Variants in PKP4 observed in about 807,000 individuals in gnomAD.
The protein encoded by PKP4 is plakophilin-4.
In PKP4, 90 loss-of-function variants were observed where a neutral mutation model predicts 145.1. The ratio of observed to expected loss-of-function variants is 0.62; its 90% CI spans 0.52 to 0.74. PKP4 has a LOEUF of 0.74. Ranked by LOEUF, PKP4 falls within the 30% of genes least tolerant of loss-of-function variation. PKP4 has a pLI of 0.00. For missense variants in PKP4, 1,340 were observed against 1,482.7 expected, an observed-to-expected ratio of 0.90 and a Z score of 1.58; for synonymous variants, 563 against 577.2, an observed-to-expected ratio of 0.98 and a Z score of 0.35.
intron 1 of PKP4, among the ~76,000 whole-genome samples, chr2:158,486,792 T>G (rs573021097): frequency 6.6e-5 from 10 of 152,342 alleles, no homozygotes; most frequent in African/African-American, 2.2e-4. Context: ...TGAAAGTCAT[T>G]CTCCCTTGCT....
intron 11 of PKP4, among the ~76,000 whole-genome samples, chr2:158,643,283 G>A (rs546137919): frequency 6.6e-6 from 1 of 152,300 alleles, no homozygotes; most frequent in South Asian, 2.1e-4. Flanking sequence ...AGTTCCCTGG[G>A]TGACATGAAA....
intron 1 of PKP4, among the ~76,000 whole-genome samples, chr2:158,474,510 AAAC>A (rs1692141175): frequency 3.9e-5 from 6 of 152,302 alleles, no homozygotes; most frequent in African/African-American, 1.2e-4. Context: ...ATTTTTTAAA[AAAC>A]CATGAGATTT....
intron 2 of PKP4, among the ~76,000 whole-genome samples, chr2:158,541,102 T>C (rs2044487763): frequency 6.6e-6 from 1 of 152,150 alleles, no homozygotes; most frequent in Admixed American, 6.6e-5. Context: ...GTTTTTCTTT[T>C]TAGAATCACT....
At chr2:158,665,870 T>C (rs2057037114) in intron 15 of PKP4, 6 of 152,252 alleles carry the variant, frequency 3.9e-5, no homozygotes, top group Admixed American at 3.3e-4. Flanking sequence ...CTGTATGAAT[T>C]ATGATGCTGG....
intron 1 of PKP4, among the ~76,000 whole-genome samples, chr2:158,529,116 G>T (rs1347207611): frequency 6.6e-6 from 1 of 152,188 alleles, no homozygotes; most frequent in Non-Finnish European, 1.5e-5. Flanking sequence ...TACCTTCAGA[G>T]GCAATCAGTT....
chr2:158,677,016 G>A, intron 20 of PKP4, 149 bp downstream of exon 20: 1 of 915,266 alleles, frequency 1.1e-6, no homozygotes, highest in African/African-American at 1.6e-5. Context: ...CCTACTTTGG[G>A]GATTGTTGCC....
At chr2:158,494,506 T>C (rs182047402) in intron 1 of PKP4, among the ~76,000 whole-genome samples, 20 of 152,340 alleles carry the variant, frequency 1.3e-4, no homozygotes, top group African/African-American at 4.6e-4. Flanking sequence ...TGTTTTGTAA[T>C]AACATATTTA....
At chr2:158,504,237 T>A (rs901019235) in intron 1 of PKP4, among the ~76,000 whole-genome samples, 2 of 152,226 alleles carry the variant, frequency 1.3e-5, no homozygotes, top group East Asian at 3.9e-4. Context: ...ACTTTTATAC[T>A]GTCAACATTG....
chr2:158,538,773 C>A (rs1382168929), intron 2 of PKP4, among the ~76,000 whole-genome samples: 1 of 152,040 alleles, frequency 6.6e-6, no homozygotes. Flanking sequence ...AACTCCTGAC[C>A]TCAGGTGATC....
chr2:158,639,764 T>G (rs1224775095), intron 9 of PKP4, among the ~76,000 whole-genome samples: 1 of 152,158 alleles, frequency 6.6e-6, no homozygotes, highest in Admixed American at 6.5e-5. Context: ...ATGTATTCAT[T>G]GTTCAAAAAA....
intron 3 of PKP4, among the ~76,000 whole-genome samples, chr2:158,601,612 G>GT (rs2105846295): frequency 6.6e-6 from 1 of 152,252 alleles, no homozygotes; most frequent in South Asian, 2.1e-4. Context: ...AGCTAAGAGT[G>GT]TTTCAGATAA....
rs755532454 is a variant in PKP4, at chr2:158,680,475, T to C, written c.3377T>C (p.Phe1126Ser). The change falls in exon 22 of 22, where the codon TTT (phenylalanine) becomes TCT (serine). Residue 1126 changes from phenylalanine (F) to serine (S), a missense_variant. Phe to Ser is a radical substitution (Grantham distance 155, BLOSUM62 -2). Coordinates refer to ENST00000389759, the MANE Select transcript of PKP4 (RefSeq NM_003628.6). Reference sequence around the variant, plus strand: ...CAAGATGACTCCAACAGAAAGAACTTTGATGCATACAGATTGTATTTGCAG... The same window carrying C: ...CAAGATGACTCCAACAGAAAGAACTCTGATGCATACAGATTGTATTTGCAG... ...YSQDDSNRKN[F>S]DAYRLYLQSP... is the part of the protein sequence containing the mutation. 3.7e-6 allele frequency: 6 copies of C among 1,612,840 alleles called. No individual in the cohort carries two copies. Among genetic ancestry groups the C allele is most frequent in the South Asian group, 3.3e-5 (3 of 90,986 alleles).
intron 2 of PKP4, among the ~76,000 whole-genome samples, chr2:158,545,999 T>G (rs879861404): frequency 1.3e-5 from 2 of 152,188 alleles, no homozygotes; most frequent in Admixed American, 1.3e-4. Context: ...AAATGTAAAT[T>G]CAGATTAAAT....
intron 12 of PKP4, chr2:158,661,041 A>G: frequency 5.1e-6 from 1 of 197,162 alleles, no homozygotes; most frequent in South Asian, 1.2e-4. Flanking sequence ...CCTTTTACAT[A>G]TGAAGAACCT....
chr2:158,507,868 A>G (rs1449306403), intron 1 of PKP4, among the ~76,000 whole-genome samples: 1 of 152,194 alleles, frequency 6.6e-6, no homozygotes, highest in East Asian at 1.9e-4. Flanking sequence ...CTGAATGTAG[A>G]GTAATGTGAC....
chr2:158,617,280 TC>T (rs756720321), intron 4 of PKP4, among the ~76,000 whole-genome samples: 2 of 152,202 alleles, frequency 1.3e-5, no homozygotes, highest in African/African-American at 4.8e-5. Flanking sequence ...GTTTGAAAGT[TC>T]CCCATAGTAT....
chr2:158,463,645 A>G (rs1376890633), intron 1 of PKP4, among the ~76,000 whole-genome samples: 4 of 152,102 alleles, frequency 2.6e-5, no homozygotes, highest in Non-Finnish European at 4.4e-5. Flanking sequence ...AAAATGAGGG[A>G]GTTGGTCTAG....
chr2:158,565,867 A>G (rs1187421687), intron 2 of PKP4, among the ~76,000 whole-genome samples: 1 of 152,212 alleles, frequency 6.6e-6, no homozygotes, highest in Non-Finnish European at 1.5e-5. Flanking sequence ...CTGGAAGTTT[A>G]GAAAGGAGTG....
intron 1 of PKP4, among the ~76,000 whole-genome samples, chr2:158,511,958 G>C (rs1334644299): frequency 6.6e-6 from 1 of 152,116 alleles, no homozygotes; most frequent in Non-Finnish European, 1.5e-5. Context: ...AGAATGGTAT[G>C]GCATGAGTCA....
Sources: allele counts gnomAD v4.1 joint callset (sites outside exome capture counted in the v4.1 genomes callset), GRCh38; gene constraint gnomAD v4.1.1; transcripts MANE v1.5; gene names NCBI Gene and HGNC (gene_info 2026-07-23, HGNC 2026-07-21).